RICTOR: variants seen among roughly 807,000 people sequenced by gnomAD.
RICTOR encodes the protein rapamycin-insensitive companion of mTOR.
In RICTOR, 49 loss-of-function variants were observed where a neutral mutation model predicts 214.9. The observed-to-expected ratio is 0.23, with a 90% CI of 0.18 to 0.29. The LOEUF (loss-of-function observed/expected upper bound fraction) is 0.29. Among genes scored for constraint, RICTOR ranks in the 10% least tolerant of loss-of-function variants. The pLI is 1.00. For synonymous variants in RICTOR, 717 were observed against 711.3 expected (o/e 1.01, Z -0.13); for missense variants, 1,625 against 2,047.0 (o/e 0.79, Z 3.98).
chr5:38,987,029 C>T (rs1255611341), intron 7 of RICTOR, among the ~76,000 whole-genome samples: 1 of 152,100 alleles, frequency 6.6e-6, no homozygotes, highest in Non-Finnish European at 1.5e-5. Flanking sequence ...ATTATGTGTA[C>T]TGATTTGCGT....
intron 7 of RICTOR, among the ~76,000 whole-genome samples, chr5:38,988,979 C>T (rs1752380117): frequency 6.6e-6 from 1 of 152,136 alleles, no homozygotes; most frequent in Non-Finnish European, 1.5e-5. Flanking sequence ...CGTCAAGCTA[C>T]CACTGGCTTT....
In RICTOR at chr5:38,940,558, ATTAT is replaced by A. The variant is rs1233832711; in HGVS notation, c.*1742_*1745del. On this transcript the variant is annotated 3_prime_UTR_variant, in exon 38 of 38. Transcript: ENST00000357387. ...GGGTTCAGTGATAAAGTATAAAAAA[ATTAT>A]TTATCTTCAACTGGATTTTATGAGA... 1.3e-5 allele frequency: 3 copies of A among 232,500 alleles called. No individual in the cohort carries two copies. Among genetic ancestry groups the A allele is most frequent in the Non-Finnish European group, 1.7e-5 (2 of 117,464 alleles). 14.4% of individuals were successfully genotyped at this position (232,500 alleles called of 1,614,324 possible).
intron 36 of RICTOR, 140 bp downstream of exon 36, chr5:38,944,306 C>T: frequency 1.2e-6 from 1 of 830,408 alleles, no homozygotes; most frequent in South Asian, 1.4e-5. Flanking sequence ...TAAAGAAAAT[C>T]TAGCCTCACA....
intron 2 of RICTOR, among the ~76,000 whole-genome samples, chr5:39,067,465 C>A (rs1226580307): frequency 1.3e-5 from 2 of 152,152 alleles, no homozygotes; most frequent in Non-Finnish European, 2.9e-5. Flanking sequence ...GGACAAATAT[C>A]CAAACTGTTT....
chr5:38,953,505 T>C lies in RICTOR; in HGVS notation c.2746A>G (p.Lys916Glu). ...CRNVRTPDLD[K>E]WEEIKKLKAS... ...TTCAGTTTTTTAATTTCTTCCCACT[T>C]ATCCAAATCTGGTGTACGAACATTA... is the stretch of plus-strand genomic sequence containing the variant. Residue 916 changes from lysine (K) to glutamate (E), a missense_variant, in exon 28 of 38, where the codon AAG becomes GAG. Coordinates refer to ENST00000357387, the MANE Select transcript of RICTOR (RefSeq NM_152756.5). 6.6e-7 allele frequency: 1 copy of C among 1,503,948 alleles called. No homozygotes were observed. The allele number at this position is 1,503,948 out of a possible 1,614,324, so 93.2% of individuals were successfully genotyped here. A position where few individuals can be genotyped will look rare whatever the true frequency, so the allele number is the denominator to read the frequency against.
intron 9 of RICTOR, among the ~76,000 whole-genome samples, chr5:38,975,861 C>T (rs1451122870): frequency 6.6e-6 from 1 of 152,182 alleles, no homozygotes; most frequent in Non-Finnish European, 1.5e-5. Flanking sequence ...TCCCTGAAAA[C>T]TATTCTTAGA....
At chr5:38,960,564 A>G (rs1183012767) in intron 19 of RICTOR, 31 bp from the exon 20 acceptor site, 1 of 1,601,076 alleles carries the variant, frequency 6.2e-7, no homozygotes, top group Non-Finnish European at 8.5e-7. Flanking sequence ...GCAAAAAGGT[A>G]AGAAATGAAG....
At chr5:39,051,138 A>C (rs903611769) in intron 2 of RICTOR, among the ~76,000 whole-genome samples, 2 of 152,164 alleles carry the variant, frequency 1.3e-5, no homozygotes, top group Admixed American at 6.5e-5. Flanking sequence ...AGAAACTTAC[A>C]TATAAGCAGC....
Position 38,946,527 on chromosome 5 carries a change from G to C in RICTOR, c.4340C>G (p.Thr1447Arg). ...ATCATCATGTGGTGGTATGTTTTTT[G>C]TCTGAAAATAGGGAATATCCTTTAC... ...FQVKDIPYFQ[T>R]KNIPPHDDRG... is the part of the protein sequence containing the mutation. The change falls in exon 33 of 38, where the codon ACA becomes AGA. Residue 1447 changes from threonine (T) to arginine (R), a missense_variant. Thr to Arg is a moderately conservative substitution (Grantham distance 71). This residue lies in a region of RICTOR where 1,214 missense variants were observed against 1,470.5 expected (regional missense o/e 0.83). Transcript: ENST00000357387. 6.2e-7 allele frequency: 1 copy of C among 1,609,610 alleles called. No individual in the cohort carries two copies. Among genetic ancestry groups the C allele is most frequent in the Non-Finnish European group, 8.5e-7 (1 of 1,176,128 alleles).
At chr5:38,962,420 A>T in intron 18 of RICTOR, 59 bp from the exon 19 acceptor site, 1 of 1,166,560 alleles carries the variant, frequency 8.6e-7, no homozygotes, top group Non-Finnish European at 1.2e-6. Flanking sequence ...CACATATAAG[A>T]TAATTACGTT....
chr5:39,013,903 TAC>T (rs1186110420), intron 3 of RICTOR, among the ~76,000 whole-genome samples: 5 of 152,154 alleles, frequency 3.3e-5, no homozygotes, highest in African/African-American at 1.2e-4. Context: ...CATATACATC[TAC>T]AGTCATGCAC....
chr5:38,946,393 T>C (rs558369999), intron 33 of RICTOR, 75 bp downstream of exon 33: 6 of 896,794 alleles, frequency 6.7e-6, no homozygotes, highest in South Asian at 1.5e-5. Context: ...TTTAGTGTTA[T>C]CCTACTAGAA....
chr5:38,949,641 G>T, intron 31 of RICTOR, 71 bp downstream of exon 31: 2 of 1,368,886 alleles, frequency 1.5e-6, no homozygotes, highest in Non-Finnish European at 1.0e-6. Flanking sequence ...GTAAAACCTG[G>T]CTAACATTTT....
intron 3 of RICTOR, among the ~76,000 whole-genome samples, chr5:39,016,333 G>T (rs145397068): frequency 2.3e-3 from 339 of 148,658 alleles, no homozygotes; most frequent in African/African-American, 7.9e-3. Context: ...GAACAGAGAA[G>T]GGGGGAGAGG....
At chr5:38,990,830 T>C (rs1752707344) in intron 7 of RICTOR, 119 bp downstream of exon 7, 1 of 145,446 alleles carries the variant, frequency 6.9e-6, no homozygotes, top group African/African-American at 1.2e-4. Context: ...ATATATGATA[T>C]ATGAGATATA....
Position 39,008,613 on chromosome 5 carries a change from T to C in RICTOR, c.196-4991A>G, listed in dbSNP as rs149439689. ...CTTATTTCATTTCTCCAGCCTCAAATGTGGCATCAAGAATCTGGAGAACTG... is the reference window on the plus strand; with the variant it reads ...CTTATTTCATTTCTCCAGCCTCAAACGTGGCATCAAGAATCTGGAGAACTG... On this transcript the variant is annotated intron_variant, in intron 3 of 37. Transcript: ENST00000357387. Among the ~76,000 whole-genome samples, 845 of 152,164 alleles carry C rather than the reference T, an allele frequency of 5.6e-3. 5 individuals are homozygous for C. The highest frequency in any genetic ancestry group is 0.027 in the Middle Eastern group (8 of 294).
intron 6 of RICTOR, among the ~76,000 whole-genome samples, chr5:38,992,162 A>T (rs1310466098): frequency 1.3e-5 from 2 of 152,170 alleles, no homozygotes; most frequent in African/African-American, 4.8e-5. Context: ...CAGTTCTACA[A>T]GCATAAATCA....
chr5:38,992,125 A>C (rs1039151697), intron 6 of RICTOR, among the ~76,000 whole-genome samples: 2 of 152,180 alleles, frequency 1.3e-5, no homozygotes, highest in Non-Finnish European at 2.9e-5. Flanking sequence ...AAGACATATT[A>C]CAAAGTTCAC....
Position 38,944,786 on chromosome 5 carries a change from T to C in RICTOR, c.4789+127A>G. On this transcript the variant is annotated intron_variant, in intron 35 of 37. Transcript: ENST00000357387. ...GCAATAATTAACAGTGTTAAATTGC[T>C]TCACTAAAATGGACGTATTACTGTT... 12 of 979,784 alleles carry C rather than the reference T, an allele frequency of 1.2e-5. No homozygotes were observed. In the South Asian group the frequency reaches 1.6e-4, roughly 13 times the overall value. The allele number at this position is 979,784 out of a possible 1,614,324, so 60.7% of individuals were successfully genotyped here.
Sources: allele counts gnomAD v4.1 joint callset (sites outside exome capture counted in the v4.1 genomes callset), GRCh38; gene constraint gnomAD v4.1.1; regional missense constraint gnomAD v4.1.1; transcripts MANE v1.5; gene names NCBI Gene and HGNC (gene_info 2026-07-23, HGNC 2026-07-21).